RBM43: variants seen among roughly 807,000 people sequenced by gnomAD.
RBM43 encodes RNA binding motif protein 43.
A neutral mutation model predicts 12.4 loss-of-function variants in RBM43; 12 were observed. The observed-to-expected ratio is 0.97, with a 90% confidence interval of 0.62 to 1.57. RBM43 has a LOEUF of 1.57. Ranked by LOEUF, RBM43 falls within the 40% of genes most tolerant of loss-of-function variation. RBM43 has a pLI of 0.00. For synonymous variants in RBM43, 138 were observed against 145.7 expected, an observed-to-expected ratio of 0.95 and a Z score of 0.38; for missense variants, 348 against 400.1, an observed-to-expected ratio of 0.87 and a Z score of 1.11.
chr2:151,250,710 G>A lies in RBM43; in HGVS notation c.*196C>T. On this transcript the variant is annotated 3_prime_UTR_variant, in exon 4 of 4. Coordinates refer to ENST00000331426, the MANE Select transcript of RBM43 (RefSeq NM_198557.3). Reference sequence around the variant, plus strand: ...GCCACAGCCTCATTCTTTGTCAACTGGATAACTTCAGAAAAGTGTTTTAAC... The same window carrying A: ...GCCACAGCCTCATTCTTTGTCAACTAGATAACTTCAGAAAAGTGTTTTAAC... The A allele has an allele frequency of 2.1e-6, 1 of 472,680 alleles. No homozygotes were observed. The highest frequency in any genetic ancestry group is 3.7e-6 in the Non-Finnish European group (1 of 270,210). The allele number at this position is 472,680 out of a possible 1,614,324, so 29.3% of individuals were successfully genotyped here. A position where few individuals can be genotyped will look rare whatever the true frequency, so the allele number is the denominator to read the frequency against.
intron 2 of RBM43, 60 bp downstream of exon 2, chr2:151,255,473 A>T: frequency 8.7e-7 from 1 of 1,150,700 alleles, no homozygotes; most frequent in African/African-American, 1.6e-5. Flanking sequence ...AATAAAATGT[A>T]ATTTTTAAAT....
rs1010596586 is a variant in RBM43, at chr2:151,249,825, C to T, written c.*1081G>A. The T allele has an allele frequency of 1.3e-5, 2 of 152,170 alleles. No individual in the cohort carries two copies. The highest frequency in any genetic ancestry group is 4.8e-5 in the African/African-American group (2 of 41,424). The allele number at this position is 152,170 out of a possible 1,614,324, so 9.4% of individuals were successfully genotyped here. A position where few individuals can be genotyped will look rare whatever the true frequency, so the allele number is the denominator to read the frequency against. On this transcript the variant is annotated 3_prime_UTR_variant, in exon 4 of 4. Coordinates refer to ENST00000331426, the MANE Select transcript of RBM43 (RefSeq NM_198557.3). The stretch of plus-strand genomic sequence containing the variant: ...CTCAGCAGCTATAGACAAAACTGGT[C>T]TCAGGTTACAGCAAGCAGTTTCAGT...
chr2:151,251,643 T>C lies in RBM43; in HGVS notation c.337A>G (p.Ile113Val). 2 of 1,611,844 alleles carry C rather than the reference T, an allele frequency of 1.2e-6. No homozygotes were observed. The highest frequency in any genetic ancestry group is 2.2e-5 in the East Asian group (1 of 44,864). The change falls in exon 4 of 4, where the codon ATC becomes GTC. Residue 113 changes from isoleucine to valine, a missense_variant. Transcript: ENST00000331426. Reference sequence around the variant, plus strand: ...TTTCCAAAAACAGAAAGATCAAGGATGGCATTTACAGAGCTGAAGATCTGA... The same window carrying C: ...TTTCCAAAAACAGAAAGATCAAGGACGGCATTTACAGAGCTGAAGATCTGA... ...GDKIFSSVNA[I>V]LDLSVFGKEV... is the part of the protein sequence containing the mutation.
intron 2 of RBM43, among the ~76,000 whole-genome samples, chr2:151,254,106 TATAA>T (rs572963406): frequency 1.5e-4 from 23 of 152,226 alleles, no homozygotes; most frequent in East Asian, 9.6e-4. Flanking sequence ...CTAAGTTTTA[TATAA>T]ATAAATAAAG....
At chr2:151,257,246 T>G (rs1157597019) in intron 1 of RBM43, among the ~76,000 whole-genome samples, 1 of 152,100 alleles carries the variant, frequency 6.6e-6, no homozygotes, top group Non-Finnish European at 1.5e-5. Context: ...TCAACAGGAC[T>G]CCACTGAAAC....
chr2:151,260,986 T>C (rs1683038400), intron 1 of RBM43: 1 of 381,130 alleles, frequency 2.6e-6, no homozygotes, highest in African/African-American at 2.0e-5. Flanking sequence ...TTGACTGCAT[T>C]TGTTTATATT....
At chr2:151,251,879 C>T (rs1682907850) in intron 3 of RBM43, among the ~76,000 whole-genome samples, 1 of 152,174 alleles carries the variant, frequency 6.6e-6, no homozygotes, top group Admixed American at 6.5e-5. Flanking sequence ...ACCACATACC[C>T]CAAAACAGAC....
Position 151,250,997 on chromosome 2 carries a change from T to C in RBM43, c.983A>G (p.Tyr328Cys). 6.2e-7 allele frequency: 1 copy of C among 1,612,878 alleles called. No homozygotes were observed. Among genetic ancestry groups the C allele is most frequent in the Non-Finnish European group, 8.5e-7 (1 of 1,178,856 alleles). Residue 328 changes from tyrosine to cysteine, a missense_variant, in exon 4 of 4, where the codon TAT (tyrosine) becomes TGT (cysteine). By Grantham distance (194) the Tyr-to-Cys change is radical (BLOSUM62 -2). Transcript: ENST00000331426. ...TCCTATAATGTCAATGTGTGTCCTATAAAGGTTAATCAGGACTTCAAGGTA... is the reference window on the plus strand; with the variant it reads ...TCCTATAATGTCAATGTGTGTCCTACAAAGGTTAATCAGGACTTCAAGGTA... The part of the protein sequence containing the change: ...SRYLEVLINL[Y>C]RTHIDIIGSS...
chr2:151,255,417 C>CAA (rs35043333), intron 2 of RBM43, 116 bp downstream of exon 2: 56,908 of 515,134 alleles, frequency 0.11, no homozygotes, highest in Non-Finnish European at 0.13. Context: ...GACTGTGTCT[C>CAA]AAAAAAAAAA....
chr2:151,255,191 G>A (rs950443006), intron 2 of RBM43, among the ~76,000 whole-genome samples: 1 of 152,152 alleles, frequency 6.6e-6, no homozygotes, highest in Non-Finnish European at 1.5e-5. Flanking sequence ...GAGGCAGGCA[G>A]ATCACTTGAG....
chr2:151,260,165 G>T (rs539377642), intron 1 of RBM43, among the ~76,000 whole-genome samples: 3 of 147,186 alleles, frequency 2.0e-5, no homozygotes, highest in East Asian at 4.0e-4. Flanking sequence ...TCGCTCTGTT[G>T]CCCAGGCTGG....
At chr2:151,259,257 G>C (rs1683015741) in intron 1 of RBM43, among the ~76,000 whole-genome samples, 1 of 152,154 alleles carries the variant, frequency 6.6e-6, no homozygotes, top group Non-Finnish European at 1.5e-5. Context: ...ACCAAAAGGA[G>C]AAAAAGTAAT....
At position 151,259,164 on chromosome 2, in the gene RBM43, A is replaced by G. The variant is rs1484633272; in HGVS notation, c.3+2561T>C. Among the ~76,000 whole-genome samples the G allele has an allele frequency of 2.0e-5, 3 of 151,734 alleles. No homozygotes were observed. The East Asian group carries it at 5.8e-4, about 29-fold the overall frequency. ...AAAAAAAAAAAGGAAGAAAGAAAGG[A>G]AAGAAAGAAAGAAAATCCATTTGAC... On this transcript the variant is annotated intron_variant, in intron 1 of 3. Transcript: ENST00000331426.
At chr2:151,256,782 G>GCACTCCAGCCTGGGAAA (rs1335590725) in intron 1 of RBM43, among the ~76,000 whole-genome samples, 1 of 152,134 alleles carries the variant, frequency 6.6e-6, no homozygotes, top group Non-Finnish European at 1.5e-5. Context: ...TCACACCACT[G>GCACTCCAGCCTGGGAAA]CACTCCAGCC....
intron 1 of RBM43, chr2:151,261,307 T>A (rs894622965): frequency 7.1e-6 from 11 of 1,550,540 alleles, no homozygotes; most frequent in Non-Finnish European, 9.6e-6. Context: ...CATTTCTGGC[T>A]AATCAGGCCA....
In RBM43 at chr2:151,251,172, G is replaced by T. The variant is rs757517401; in HGVS notation, c.808C>A (p.Pro270Thr). The T allele has an allele frequency of 4.3e-6, 7 of 1,613,782 alleles. No homozygotes were observed. In the Admixed American group the frequency reaches 1.2e-4, roughly 27 times the overall value. Reference sequence around the variant, plus strand: ...TCTTTTACATGTTTTGCATTGTTTGGCTGAGAACCAACTTGAATGCTTTTT... The same window carrying T: ...TCTTTTACATGTTTTGCATTGTTTGTCTGAGAACCAACTTGAATGCTTTTT... ...CLKSIQVGSQ[P>T]NNAKHVKELI... is the part of the protein sequence containing the mutation. Residue 270 changes from proline to threonine, a missense_variant, in exon 4 of 4, where the codon CCA (proline) becomes ACA (threonine). Pro to Thr is a conservative substitution (Grantham distance 38, BLOSUM62 -1). Transcript: ENST00000331426.
chr2:151,261,166 G>A (rs1011659323), intron 1 of RBM43: 7 of 1,392,690 alleles, frequency 5.0e-6, no homozygotes, highest in Non-Finnish European at 6.7e-6. Flanking sequence ...AAACACAGAA[G>A]GATAAATTTT....
Position 151,248,684 on chromosome 2 carries a change from G to A in RBM43, c.*2222C>T, listed in dbSNP as rs901137141. On this transcript the variant is annotated 3_prime_UTR_variant, in exon 4 of 4. Transcript: ENST00000331426. ...AAACAGACTAAATGATCCCTGTAAT[G>A]TTTGAATATGTTACTAGCTGGAGTT... 1 of 152,048 alleles carries A rather than the reference G, an allele frequency of 6.6e-6. No individual in the cohort carries two copies. The highest frequency in any genetic ancestry group is 2.4e-5 in the African/African-American group (1 of 41,398). The allele number at this position is 152,048 out of a possible 1,614,324, so 9.4% of individuals were successfully genotyped here. A position where few individuals can be genotyped will look rare whatever the true frequency, so the allele number is the denominator to read the frequency against.
At chr2:151,257,904 T>C (rs754453360) in intron 1 of RBM43, among the ~76,000 whole-genome samples, 7 of 151,754 alleles carry the variant, frequency 4.6e-5, no homozygotes, top group Admixed American at 1.3e-4. Flanking sequence ...ATGCCGTCTC[T>C]ACTAAAAATA....
Sources: gnomAD v4.1 joint callset for allele counts (sites outside exome capture counted in the v4.1 genomes callset) on GRCh38, gnomAD v4.1.1 for gene constraint, MANE v1.5 for transcripts, NCBI Gene and HGNC (gene_info 2026-07-23, HGNC 2026-07-21) for gene names.